AASS: variants seen among roughly 807,000 people sequenced by gnomAD.
The protein encoded by AASS is alpha-aminoadipic semialdehyde synthase, mitochondrial.
Under a neutral mutation model 105.4 loss-of-function variants are expected in AASS, and 86 were observed. The ratio of observed to expected loss-of-function variants is 0.82; its 90% CI spans 0.69 to 0.98. The LOEUF (loss-of-function observed/expected upper bound fraction) is 0.98, where lower values mean the gene tolerates loss of function less well. Ranked by LOEUF, AASS falls within the 50% of genes least tolerant of loss-of-function variation. AASS has a pLI of 0.00. For synonymous variants in AASS, 381 were observed against 394.8 expected, an observed-to-expected ratio of 0.96 and a Z score of 0.41; for missense variants, 1,048 against 1,143.2, an observed-to-expected ratio of 0.92 and a Z score of 1.20.
intron 19 of AASS, chr7:122,081,867 A>T: frequency 2.4e-6 from 1 of 417,472 alleles, no homozygotes. Flanking sequence ...TAACAATTCT[A>T]CTGGTTTACA....
intron 10 of AASS, 133 bp downstream of exon 10, chr7:122,113,465 A>G: frequency 1.6e-6 from 2 of 1,214,848 alleles, no homozygotes; most frequent in Non-Finnish European, 1.2e-6. Context: ...TTTTTTCCCC[A>G]AATTTTAGTA....
At chr7:122,077,347 A>T (rs1487948535) in intron 23 of AASS, among the ~76,000 whole-genome samples, 4 of 152,202 alleles carry the variant, frequency 2.6e-5, no homozygotes, top group Admixed American at 2.6e-4. Flanking sequence ...CTGAGATATG[A>T]AGACTAATAA....
intron 11 of AASS, 78 bp downstream of exon 11, chr7:122,113,040 G>T: frequency 1.7e-6 from 2 of 1,161,410 alleles, no homozygotes; most frequent in Non-Finnish European, 1.3e-6. Flanking sequence ...AGATACAGAA[G>T]ACCAGAACAT....
At chr7:122,115,714 A>G (rs1036858784) in intron 8 of AASS, among the ~76,000 whole-genome samples, 3 of 152,208 alleles carry the variant, frequency 2.0e-5, no homozygotes, top group African/African-American at 7.2e-5. Flanking sequence ...TGTGCTACAT[A>G]CATGCATACA....
intron 1 of AASS, among the ~76,000 whole-genome samples, chr7:122,140,856 A>G (rs1232926107): frequency 6.6e-6 from 1 of 151,426 alleles, no homozygotes; most frequent in Non-Finnish European, 1.5e-5. Flanking sequence ...CTAATTATTT[A>G]TATTCACCCT....
At position 122,113,462 on chromosome 7, in the gene AASS, C is replaced by A. The variant is rs279675; in HGVS notation, c.1166+136G>T. ...GTGTTCAAATGTGCATGTTTTTTTC[C>A]CCAAATTTTAGTATGTTTGAGTATA... On this transcript the variant is annotated intron_variant, in intron 10 of 23. Coordinates refer to ENST00000417368, the MANE Select transcript of AASS (RefSeq NM_005763.4). 0.56 allele frequency: 653,767 copies of A among 1,175,762 alleles called. 186,440 individuals carry two copies. The highest frequency in any genetic ancestry group is 0.89 in the African/African-American group (58,488 of 65,480). 72.8% of individuals were successfully genotyped at this position (1,175,762 alleles called of 1,614,324 possible). A position where few individuals can be genotyped will look rare whatever the true frequency, so the allele number is the denominator to read the frequency against.
At chr7:122,094,329 G>A (rs1321927279) in intron 15 of AASS, among the ~76,000 whole-genome samples, 1 of 151,906 alleles carries the variant, frequency 6.6e-6, no homozygotes, top group African/African-American at 2.4e-5. Flanking sequence ...AATTCACCCT[G>A]TTATCACATC....
chr7:122,093,021 A>T (rs766670548), intron 16 of AASS, 27 bp downstream of exon 16: 83 of 1,610,496 alleles, frequency 5.2e-5, no homozygotes, highest in Non-Finnish European at 6.7e-5. Flanking sequence ...GGATCCACTC[A>T]GTTTGTTTAA....
In AASS at chr7:122,086,075, T is replaced by C; in HGVS notation, c.2121A>G (p.Lys707=). 8 of 1,613,668 alleles carry C rather than the reference T, an allele frequency of 5.0e-6. No homozygotes were observed. The highest frequency in any genetic ancestry group is 6.8e-6 in the Non-Finnish European group (8 of 1,179,816). The change falls in exon 19 of 24, where the codon AAA becomes AAG. Residue 707 remains lysine, a synonymous_variant. Transcript: ENST00000417368. ...LEGYPNRDST[K]YAEIYGISSA... is the part of the protein sequence containing the mutation. ...AAGAAATGCCATAAATCTCAGCATA[T>C]TTCGTACTGTCTCTGTTAGGATAGC...
At chr7:122,135,478 T>C (rs1796102138) in intron 1 of AASS, among the ~76,000 whole-genome samples, 1 of 152,160 alleles carries the variant, frequency 6.6e-6, no homozygotes, top group Non-Finnish European at 1.5e-5. Context: ...AACCCCGACC[T>C]GCCTCAACCA....
chr7:122,099,094 A>G (rs1048368039), intron 13 of AASS, among the ~76,000 whole-genome samples: 2 of 151,878 alleles, frequency 1.3e-5, no homozygotes, highest in African/African-American at 4.8e-5. Flanking sequence ...TAGACCTGAC[A>G]TCTCTGAGAT....
intron 21 of AASS, 200 bp from the exon 22 acceptor site, chr7:122,079,150 C>T: frequency 6.8e-7 from 1 of 1,469,750 alleles, no homozygotes; most frequent in East Asian, 2.6e-5. Context: ...CAGACTCACC[C>T]AGGCACTGCT....
In AASS at chr7:122,098,503, A is replaced by G; in HGVS notation, c.1602T>C (p.Cys534=). 1 of 1,612,054 alleles carries G rather than the reference A, an allele frequency of 6.2e-7. No individual in the cohort carries two copies. The highest frequency in any genetic ancestry group is 8.5e-7 in the Non-Finnish European group (1 of 1,178,640). Residue 534 remains cysteine, a synonymous_variant, in exon 15 of 24, where the codon TGT becomes TGC. Transcript: ENST00000417368. ...YNINPVSMDI[C]KQEEKLGFLV... The stretch of plus-strand genomic sequence containing the variant: ...AGAAGCCCAGCTTCTCTTCTTGTTT[A>G]CAAATGTCCATGCTAACAGGATTAA...
intron 1 of AASS, among the ~76,000 whole-genome samples, chr7:122,140,485 C>CAAAAAAAACAAAAAAA (rs1796337081): frequency 5.4e-5 from 2 of 37,328 alleles, no homozygotes; most frequent in African/African-American, 2.2e-4. Context: ...GACTCAGTCT[C>CAAAAAAAACAAAAAAA]AAAAAAAAAA....
At chr7:122,124,204 C>A (rs1195208478) in intron 4 of AASS, among the ~76,000 whole-genome samples, 1 of 152,324 alleles carries the variant, frequency 6.6e-6, no homozygotes, top group East Asian at 1.9e-4. Flanking sequence ...TCAGACCTCA[C>A]CTTCAAAGGC....
chr7:122,121,751 T>A (rs1194006174), intron 4 of AASS, among the ~76,000 whole-genome samples: 1 of 152,184 alleles, frequency 6.6e-6, no homozygotes, highest in Non-Finnish European at 1.5e-5. Context: ...GTGTTCTTTA[T>A]TCCTTTAATT....
intron 20 of AASS, among the ~76,000 whole-genome samples, chr7:122,080,561 A>T (rs1793263391): frequency 6.6e-6 from 1 of 152,190 alleles, no homozygotes; most frequent in African/African-American, 2.4e-5. Context: ...TATGAAAGGT[A>T]AAACTTAAGA....
chr7:122,102,505 T>A (rs1344630084), intron 11 of AASS, among the ~76,000 whole-genome samples: 1 of 151,994 alleles, frequency 6.6e-6, no homozygotes. Context: ...CTTTCCTCCC[T>A]AACTATAGGT....
At chr7:122,083,397 TG>T (rs1187914151) in intron 19 of AASS, among the ~76,000 whole-genome samples, 1 of 152,144 alleles carries the variant, frequency 6.6e-6, no homozygotes, top group Non-Finnish European at 1.5e-5. Flanking sequence ...TATATTTTTA[TG>T]CTGACCCCTA....
Sources: gnomAD v4.1 joint callset for allele counts (sites outside exome capture counted in the v4.1 genomes callset) on GRCh38, gnomAD v4.1.1 for gene constraint, MANE v1.5 for transcripts, NCBI Gene and HGNC (gene_info 2026-07-23, HGNC 2026-07-21) for gene names.